ACOXL: variants seen among roughly 807,000 people sequenced by gnomAD.
ACOXL encodes acyl-coenzyme A oxidase-like protein.
In ACOXL, 70 loss-of-function variants were observed where a neutral mutation model predicts 71.9. The ratio of observed to expected loss-of-function variants is 0.97; its 90% CI spans 0.80 to 1.19. The LOEUF is 1.19. Among genes scored for constraint, ACOXL ranks in the 50% most tolerant of loss-of-function variants. ACOXL has a pLI of 0.00. For missense variants in ACOXL, 703 were observed against 736.3 expected (o/e 0.95, Z 0.52); for synonymous variants, 253 against 281.6 (o/e 0.90, Z 1.02).
chr2:110,940,882 G>T (rs967069712), intron 12 of ACOXL, among the ~76,000 whole-genome samples: 2 of 152,176 alleles, frequency 1.3e-5, no homozygotes, highest in African/African-American at 4.8e-5. Flanking sequence ...AGGTAGACAC[G>T]TGCAGAGTAC....
intron 11 of ACOXL, among the ~76,000 whole-genome samples, chr2:110,931,148 C>T (rs1203617188): frequency 6.6e-6 from 1 of 152,162 alleles, no homozygotes; most frequent in Admixed American, 6.5e-5. Context: ...AAGACATACT[C>T]CTCCTGTACT....
intron 12 of ACOXL, among the ~76,000 whole-genome samples, chr2:110,983,891 C>T (rs1394601930): frequency 1.3e-5 from 2 of 151,994 alleles, no homozygotes; most frequent in Non-Finnish European, 2.9e-5. Context: ...ACTCTGTCGC[C>T]CAGGCTGGAG....
chr2:111,046,840 C>A (rs56000391), intron 15 of ACOXL, among the ~76,000 whole-genome samples: 1,899 of 152,114 alleles, frequency 0.012, 36 homozygotes, highest in Non-Finnish European at 0.019. Context: ...GAATGAGAGT[C>A]AGGAGCCATC....
intron 15 of ACOXL, among the ~76,000 whole-genome samples, chr2:111,034,963 G>A (rs867621914): frequency 4.0e-5 from 6 of 151,642 alleles, no homozygotes; most frequent in South Asian, 2.1e-4. Flanking sequence ...TGTCGCCCAG[G>A]CTGGAGTGTA....
At chr2:110,806,886 G>GCCTGGTCTGGGTTCCC (rs1686714768) in intron 9 of ACOXL, among the ~76,000 whole-genome samples, 1 of 152,106 alleles carries the variant, frequency 6.6e-6, no homozygotes, top group African/African-American at 2.4e-5. Context: ...GGCAAGGTGT[G>GCCTGGTCTGGGTTCCC]GGGTGGTGCA....
rs542337249 is a variant in ACOXL at position 110,877,802 on chromosome 2, C to T, written c.789-30987C>T. 2.1e-3 allele frequency among the ~76,000 whole-genome samples: 315 copies of T among 152,306 alleles called. 2 individuals carry two copies. The highest frequency in any genetic ancestry group is 7.3e-3 in the African/African-American group (304 of 41,562). On this transcript the variant is annotated intron_variant, in intron 10 of 17. Coordinates refer to ENST00000439055, the MANE Select transcript of ACOXL (RefSeq NM_001142807.4). ...GAGAGGAAGGGAGGGAAGCAGTGCC[C>T]GGCTTCACTGCCTGCTGGCGTCTCA...
intron 1 of ACOXL, among the ~76,000 whole-genome samples, chr2:110,744,141 G>A (rs1050470613): frequency 6.6e-6 from 1 of 152,210 alleles, no homozygotes; most frequent in Non-Finnish European, 1.5e-5. Context: ...AAGAGAGAGA[G>A]AAGAGAGAGA....
At chr2:110,738,277 C>T (rs1042915863) in intron 1 of ACOXL, among the ~76,000 whole-genome samples, 10 of 152,222 alleles carry the variant, frequency 6.6e-5, no homozygotes, top group Non-Finnish European at 1.5e-4. Context: ...TTCCTGTCCA[C>T]ATTCCATGGA....
chr2:110,902,289 A>G (rs62159503), intron 10 of ACOXL, among the ~76,000 whole-genome samples: 47,669 of 151,976 alleles, frequency 0.31, 7,805 homozygotes, highest in Middle Eastern at 0.37. Flanking sequence ...GGACAACGTG[A>G]TGAAACCCAG....
rs1341022529 is a variant in ACOXL at position 110,768,470 on chromosome 2, T to G, written c.75+6T>G. On this transcript the variant is annotated splice_donor_region_variant and intron_variant, in intron 2 of 17. Coordinates refer to ENST00000439055, the MANE Select transcript of ACOXL (RefSeq NM_001142807.4). ...AACGTGCAGGTCAGGATCTGGTAAG[T>G]GTCATTATTATTCTGGTATGGTTGT... 1.9e-6 allele frequency: 3 copies of G among 1,612,770 alleles called. No individual in the cohort carries two copies.
rs774585913 is a variant in ACOXL, at chr2:110,798,627, G to T, written c.363G>T (p.Thr121=). ...DLSAQEFVID[T]PCENAEKMYI... ...CTGTGTAGGAGTTTGTAATTGACAC[G>T]CCGTGTGAAAATGCGGAGAAGATGT... is the stretch of plus-strand genomic sequence containing the variant. The change falls in exon 6 of 18, where the codon ACG becomes ACT. Residue 121 remains threonine, a synonymous_variant. Transcript: ENST00000439055. 1.2e-5 allele frequency: 20 copies of T among 1,613,962 alleles called. No individual in the cohort carries two copies. Among genetic ancestry groups the T allele is most frequent in the Non-Finnish European group, 1.6e-5 (19 of 1,179,916 alleles).
intron 1 of ACOXL, among the ~76,000 whole-genome samples, chr2:110,738,734 G>T (rs1467259142): frequency 6.6e-6 from 1 of 152,120 alleles, no homozygotes; most frequent in Non-Finnish European, 1.5e-5. Flanking sequence ...ATGGAAACTT[G>T]TGTTCAGTTA....
intron 14 of ACOXL, among the ~76,000 whole-genome samples, chr2:111,023,458 G>C (rs2064872114): frequency 6.6e-6 from 1 of 152,134 alleles, no homozygotes; most frequent in Non-Finnish European, 1.5e-5. Context: ...CAAAAAATGG[G>C]ATTTTTTGAT....
intron 12 of ACOXL, among the ~76,000 whole-genome samples, chr2:110,935,076 G>T (rs939487167): frequency 6.6e-6 from 1 of 152,058 alleles, no homozygotes; most frequent in Non-Finnish European, 1.5e-5. Flanking sequence ...CCAGGGATTC[G>T]GGGGTAGAGT....
intron 16 of ACOXL, among the ~76,000 whole-genome samples, chr2:111,087,495 T>C (rs2068273423): frequency 6.6e-6 from 1 of 152,010 alleles, no homozygotes; most frequent in South Asian, 2.1e-4. Context: ...GAAATAATGC[T>C]GCACACCTAC....
chr2:111,023,770 G>T (rs1347903394), intron 14 of ACOXL, among the ~76,000 whole-genome samples: 1 of 152,118 alleles, frequency 6.6e-6, no homozygotes, highest in Non-Finnish European at 1.5e-5. Context: ...CACAGCTGGG[G>T]AAGCTGTCAC....
At chr2:110,887,339 A>G (rs1052184620) in intron 10 of ACOXL, 1 of 153,388 alleles carries the variant, frequency 6.5e-6, no homozygotes, top group African/African-American at 2.4e-5. Context: ...TAAAAATTCC[A>G]GCTCTAGGGC....
At chr2:110,805,422 T>C (rs1314164223) in intron 9 of ACOXL, 27 bp downstream of exon 9, 3 of 1,614,032 alleles carry the variant, frequency 1.9e-6, no homozygotes, top group South Asian at 2.2e-5. Flanking sequence ...TTAACTTAAT[T>C]ATCTACTGTG....
At chr2:111,110,149 A>G (rs1046336690) in intron 17 of ACOXL, among the ~76,000 whole-genome samples, 6 of 152,020 alleles carry the variant, frequency 3.9e-5, no homozygotes, top group African/African-American at 1.5e-4. Context: ...TACTTCAAAC[A>G]TTGTCTATAA....
Sources: allele counts gnomAD v4.1 joint callset (sites outside exome capture counted in the v4.1 genomes callset), GRCh38; gene constraint gnomAD v4.1.1; transcripts MANE v1.5; gene names NCBI Gene and HGNC (gene_info 2026-07-23, HGNC 2026-07-21).